CRYBA4: variants seen among roughly 807,000 people sequenced by gnomAD.
CRYBA4 encodes the protein beta-crystallin A4.
CRYBA4 carries 30 observed loss-of-function variants against 31.7 expected under a neutral mutation model. That is an observed-to-expected ratio of 0.95 (90% CI 0.71 to 1.28). CRYBA4 has a LOEUF of 1.28. CRYBA4 is among the 50% of genes most tolerant of loss of function. CRYBA4 has a pLI of 0.00. For synonymous variants in CRYBA4, 102 were observed against 102.3 expected (o/e 1.00, Z 0.02); for missense variants, 225 against 260.7 (o/e 0.86, Z 0.94).
At chr22:26,601,707 T>C in the CRYBA4 span, among the ~76,000 whole-genome samples, 1 of 150,392 alleles carries the variant, frequency 6.6e-6, no homozygotes, top group South Asian at 2.1e-4. Context: ...GTGACTCTAT[T>C]CCCCAGAGGA....
the CRYBA4 span, among the ~76,000 whole-genome samples, chr22:26,594,407 G>C: frequency 1.3e-5 from 2 of 152,180 alleles, no homozygotes; most frequent in African/African-American, 2.4e-5. Flanking sequence ...TTGGGCTTAT[G>C]CTCCAATGTC....
the CRYBA4 span, among the ~76,000 whole-genome samples, chr22:26,604,936 TCCA>T: frequency 1.3e-5 from 2 of 152,194 alleles, no homozygotes; most frequent in African/African-American, 4.8e-5. Flanking sequence ...GACCCTGGTC[TCCA>T]CCACCACCTC....
chr22:26,599,038 A>G, the CRYBA4 span, among the ~76,000 whole-genome samples: 1 of 152,188 alleles, frequency 6.6e-6, no homozygotes, highest in Admixed American at 6.5e-5. Context: ...ATAATGAGTA[A>G]GGCCAAGTAC....
chr22:26,629,616 C>A (rs1929858377), intron 5 of CRYBA4, among the ~76,000 whole-genome samples: 1 of 151,672 alleles, frequency 6.6e-6, no homozygotes, highest in East Asian at 1.9e-4. Context: ...CGTGGCTATG[C>A]CTCTAGTCCC....
the CRYBA4 span, among the ~76,000 whole-genome samples, chr22:26,615,288 G>A: frequency 6.6e-6 from 1 of 152,138 alleles, no homozygotes; most frequent in Non-Finnish European, 1.5e-5. Context: ...GCAATTTTGA[G>A]GGTCTGAGGC....
At chr22:26,596,914 T>C in the CRYBA4 span, among the ~76,000 whole-genome samples, 1 of 152,188 alleles carries the variant, frequency 6.6e-6, no homozygotes, top group East Asian at 1.9e-4. Flanking sequence ...TCCCAGGGAA[T>C]GGATGCAATT....
chr22:26,613,849 C>T, the CRYBA4 span, among the ~76,000 whole-genome samples: 5 of 152,186 alleles, frequency 3.3e-5, no homozygotes, highest in African/African-American at 1.2e-4. Context: ...CTTTCAAAAG[C>T]AAATGGGAGA....
the CRYBA4 span, among the ~76,000 whole-genome samples, chr22:26,615,180 C>T: frequency 6.6e-6 from 1 of 152,152 alleles, no homozygotes; most frequent in Non-Finnish European, 1.5e-5. Context: ...TGCAAAATGG[C>T]CTACTTCTGT....
the CRYBA4 span, among the ~76,000 whole-genome samples, chr22:26,603,047 C>A: frequency 6.6e-6 from 1 of 151,194 alleles, no homozygotes; most frequent in Non-Finnish European, 1.5e-5. Context: ...ATGGCGTGAA[C>A]CCAGGAGGCA....
At position 26,630,523 on chromosome 22, in the gene CRYBA4, A is replaced by G. The variant is rs146471834; in HGVS notation, c.*36A>G. The G allele has an allele frequency of 1.6e-5, 26 of 1,591,428 alleles. No homozygotes were observed. In the African/African-American group the frequency reaches 3.5e-4, roughly 21 times the overall value. ...GGCACGGAGGAGCGCATGCGTGCTT[A>G]TCTGCAATGGAGGCGCTCTGGAGGC... On this transcript the variant is annotated 3_prime_UTR_variant, in exon 6 of 6. Coordinates refer to ENST00000354760, the MANE Select transcript of CRYBA4 (RefSeq NM_001886.3).
chr22:26,619,827 CT>C (rs763869030), upstream of CRYBA4, among the ~76,000 whole-genome samples: 3 of 152,230 alleles, frequency 2.0e-5, no homozygotes, highest in Non-Finnish European at 4.4e-5. Flanking sequence ...CGTGCCCCCC[CT>C]AAAGCCCCAG....
Position 26,627,404 on chromosome 22 carries a change from CTTT to C in CRYBA4, c.301-883_301-881del, listed in dbSNP as rs1569211696. On this transcript the variant is annotated intron_variant, in intron 4 of 5. Coordinates refer to ENST00000354760, the MANE Select transcript of CRYBA4 (RefSeq NM_001886.3). ...TCTTTCTTTCTTTCTTTCTTTCTTTCTTTCTTTCTTTCTTTCTTTCTTTTTCTT... is the reference window on the plus strand; with the variant it reads ...TCTTTCTTTCTTTCTTTCTTTCTTTCCTTTCTTTCTTTCTTTCTTTTTCTT... Among the ~76,000 whole-genome samples, 36 of 79,852 alleles carry C rather than the reference CTTT, an allele frequency of 4.5e-4. 2 individuals carry two copies. Among genetic ancestry groups the C allele is most frequent in the East Asian group, 1.6e-3 (3 of 1,908 alleles). 52.4% of individuals were successfully genotyped at this position (79,852 alleles called of 152,430 possible).
the CRYBA4 span, among the ~76,000 whole-genome samples, chr22:26,612,511 A>C: frequency 6.6e-6 from 1 of 152,066 alleles, no homozygotes; most frequent in African/African-American, 2.4e-5. Context: ...ACAGGCACCC[A>C]CCACCATGCC....
chr22:26,598,332 TTCTC>T, the CRYBA4 span, among the ~76,000 whole-genome samples: 33 of 152,120 alleles, frequency 2.2e-4, no homozygotes, highest in African/African-American at 7.0e-4. Context: ...CTTCCTTCCT[TTCTC>T]TCTCTCTCCT....
the CRYBA4 span, chr22:26,601,993 A>C: frequency 1.2e-6 from 2 of 1,613,820 alleles, no homozygotes; most frequent in South Asian, 1.1e-5. Flanking sequence ...GGCCCCTTCA[A>C]ACAGGGAGAT....
chr22:26,630,085 C>T (rs548220640), intron 5 of CRYBA4, among the ~76,000 whole-genome samples: 3 of 152,290 alleles, frequency 2.0e-5, no homozygotes, highest in East Asian at 1.9e-4. Context: ...AGTCAGATTG[C>T]CCTCATAATT....
chr22:26,601,949 C>G, the CRYBA4 span: 1 of 1,613,460 alleles, frequency 6.2e-7, no homozygotes, highest in Non-Finnish European at 8.5e-7. Flanking sequence ...GGTGCGTCGT[C>G]CCCCTGGATC....
In CRYBA4 at chr22:26,622,670, G is replaced by A. The variant is rs780304562; in HGVS notation, c.39+35G>A. 80 of 1,060,508 alleles carry A rather than the reference G, an allele frequency of 7.5e-5. No individual in the cohort carries two copies. The Admixed American group carries it at 1.2e-3, about 16-fold the overall frequency. 65.7% of individuals were successfully genotyped at this position (1,060,508 alleles called of 1,614,324 possible). A position where few individuals can be genotyped will look rare whatever the true frequency, so the allele number is the denominator to read the frequency against. On this transcript the variant is annotated intron_variant, in intron 2 of 5. Coordinates refer to ENST00000354760, the MANE Select transcript of CRYBA4 (RefSeq NM_001886.3). Reference sequence around the variant, plus strand: ...GGCATGGGGAGGGGGTGTTCAGGGGGTATGGGGAGGGTTCAGGTCCCCATG... The same window carrying A: ...GGCATGGGGAGGGGGTGTTCAGGGGATATGGGGAGGGTTCAGGTCCCCATG...
At chr22:26,610,153 AT>A in the CRYBA4 span, among the ~76,000 whole-genome samples, 1 of 152,138 alleles carries the variant, frequency 6.6e-6, no homozygotes, top group Admixed American at 6.5e-5. Context: ...CCCATGGCTC[AT>A]TTCAACCCGC....
Sources: allele counts gnomAD v4.1 joint callset (sites outside exome capture counted in the v4.1 genomes callset), GRCh38; gene constraint gnomAD v4.1.1; transcripts MANE v1.5; gene names NCBI Gene and HGNC (gene_info 2026-07-23, HGNC 2026-07-21).